Variants in HSPA9 observed in about 807,000 individuals in gnomAD.
The protein encoded by HSPA9 is stress-70 protein, mitochondrial.
Under a neutral mutation model 81.5 loss-of-function variants are expected in HSPA9, and 28 were observed. The observed-to-expected ratio is 0.34, with a 90% CI of 0.25 to 0.47. The LOEUF (loss-of-function observed/expected upper bound fraction) is 0.47. Ranked by LOEUF, HSPA9 falls within the 20% of genes least tolerant of loss-of-function variation. The pLI, the probability that HSPA9 is intolerant of heterozygous loss-of-function variation, is 1.00. For synonymous variants in HSPA9, 293 were observed against 290.4 expected (o/e 1.01, Z -0.09); for missense variants, 678 against 838.0 (o/e 0.81, Z 2.36).
At chr5:138,558,109 T>G (rs1207063606) in intron 12 of HSPA9, 123 bp from the exon 13 acceptor site, 7 of 750,518 alleles carry the variant, frequency 9.3e-6, no homozygotes, top group South Asian at 1.4e-5. Context: ...AGTGATTTAA[T>G]GTACAAAACA....
intron 9 of HSPA9, among the ~76,000 whole-genome samples, chr5:138,563,570 T>C (rs1750701449): frequency 6.6e-6 from 1 of 152,166 alleles, no homozygotes; most frequent in South Asian, 2.1e-4. Flanking sequence ...CCCTTCACAA[T>C]TCTCCACTCT....
In HSPA9 at chr5:138,558,962, A is replaced by T. The variant is rs143536468; in HGVS notation, c.1411-305T>A. The T allele has an allele frequency of 2.0e-3, 709 of 354,220 alleles. 4 individuals are homozygous for T. The highest frequency in any genetic ancestry group is 0.013 in the African/African-American group (622 of 47,834). 21.9% of individuals were successfully genotyped at this position (354,220 alleles called of 1,614,324 possible). Reference sequence around the variant, plus strand: ...CTGGGGAAACGGGATCAGAGAAAGAAGATGTATCATGCTCAGTCACAGAAA... The same window carrying T: ...CTGGGGAAACGGGATCAGAGAAAGATGATGTATCATGCTCAGTCACAGAAA... On this transcript the variant is annotated intron_variant, in intron 11 of 16. Coordinates refer to ENST00000297185, the MANE Select transcript of HSPA9 (RefSeq NM_004134.7).
intron 1 of HSPA9, among the ~76,000 whole-genome samples, chr5:138,574,533 T>C (rs925768246): frequency 6.6e-6 from 1 of 152,312 alleles, no homozygotes; most frequent in Non-Finnish European, 1.5e-5. Context: ...TTAAAAGAAC[T>C]AGAGTTACTA....
intron 3 of HSPA9, 52 bp downstream of exon 3, chr5:138,573,711 A>C: frequency 9.2e-7 from 1 of 1,090,484 alleles, no homozygotes; most frequent in South Asian, 1.2e-5. Context: ...GGAAAAGAGC[A>C]CAGAATTCTG....
chr5:138,567,596 C>T lies in HSPA9; in HGVS notation c.610-35G>A, dbSNP rs1165367780. The T allele has an allele frequency of 6.2e-6, 10 of 1,608,654 alleles. No individual in the cohort carries two copies. The Admixed American group carries it at 1.3e-4, about 21-fold the overall frequency. ...ACAAAGAGAAAAACATTTTTGTACC[C>T]TTCCATCCCAGGCACCTTACTTTTT... On this transcript the variant is annotated intron_variant, in intron 6 of 16. Transcript: ENST00000297185.
chr5:138,558,097 CA>C, intron 12 of HSPA9, 111 bp from the exon 13 acceptor site: 1 of 791,014 alleles, frequency 1.3e-6, no homozygotes, highest in South Asian at 1.4e-5. Context: ...CTGGGAGAAA[CA>C]AGTGATTTAA....
chr5:138,557,177 A>T lies in HSPA9; in HGVS notation c.1728+225T>A, dbSNP rs1750547504. On this transcript the variant is annotated intron_variant, in intron 14 of 16. Transcript: ENST00000297185. ...CTTACCCACAACCTATGACATGTCC[A>T]AACTCTCCCACTTTCTTGTTCAAGC... 1.3e-5 allele frequency: 8 copies of T among 615,210 alleles called. No homozygotes were observed. In the South Asian group the frequency reaches 1.6e-4, roughly 12 times the overall value. The allele number at this position is 615,210 out of a possible 1,614,324, so 38.1% of individuals were successfully genotyped here. A position where few individuals can be genotyped will look rare whatever the true frequency, so the allele number is the denominator to read the frequency against.
intron 7 of HSPA9, 88 bp downstream of exon 7, chr5:138,567,367 A>C (rs556084606): frequency 2.1e-4 from 237 of 1,120,608 alleles, no homozygotes; most frequent in Non-Finnish European, 2.8e-4. Context: ...AAAATCAGTA[A>C]AAGCACTGTA....
At chr5:138,557,254 C>A in intron 14 of HSPA9, 148 bp downstream of exon 14, 1 of 699,430 alleles carries the variant, frequency 1.4e-6, no homozygotes. Flanking sequence ...CGTGCACCAC[C>A]ACGCCCGGCT....
rs781187826 is a variant in HSPA9, at chr5:138,559,873, C to T, written c.1401G>A (p.Lys467=). 7.4e-5 allele frequency: 119 copies of T among 1,609,678 alleles called. 1 individual carries two copies. In the Middle Eastern group the frequency reaches 8.2e-4, roughly 11 times the overall value. Residue 467 remains lysine (K), a synonymous_variant, in exon 11 of 17, where the codon AAG becomes AAA. Transcript: ENST00000297185. The part of the protein sequence containing the change: ...LINRNTTIPT[K]KSQVFSTAAD... ...AAGTGATGGCTCTTACCTGGCTCTT[C>T]TTGGTTGGAATAGTGGTATTCCTAT...
At chr5:138,574,295 A>G (rs538691277) in intron 1 of HSPA9, 169 bp from the exon 2 acceptor site, 3 of 658,236 alleles carry the variant, frequency 4.6e-6, no homozygotes, top group Admixed American at 5.3e-5. Flanking sequence ...ATGGCCTTAG[A>G]ATCACATTAC....
At position 138,561,755 on chromosome 5, in the gene HSPA9, G is replaced by T; in HGVS notation, c.1007C>A (p.Ser336Tyr). The change falls in exon 10 of 17, where the codon TCT becomes TAT. Residue 336 changes from serine to tyrosine, a missense_variant. By Grantham distance (144) the Ser-to-Tyr change is moderately radical. This residue lies in a region of HSPA9 where 484 missense variants were observed against 647.5 expected (regional missense o/e 0.75). Transcript: ENST00000297185. ...CATATTCAAATGCTTGGGTCCAGAA[G>T]AATCCATTGTAAGATAGGGCAAATT... ...DINLPYLTMDSSGPKHLNMKL... is the reference protein window; with the variant it reads ...DINLPYLTMDYSGPKHLNMKL... 6.2e-7 allele frequency: 1 copy of T among 1,614,148 alleles called. No homozygotes were observed. The highest frequency in any genetic ancestry group is 2.2e-5 in the East Asian group (1 of 44,868).
At chr5:138,563,058 TAATAAATA>T (rs1180820807) in intron 9 of HSPA9, among the ~76,000 whole-genome samples, 1 of 152,236 alleles carries the variant, frequency 6.6e-6, no homozygotes, top group African/African-American at 2.4e-5. Flanking sequence ...TTTGAATACT[TAATAAATA>T]GAGTTAACAC....
chr5:138,556,543 C>G lies in HSPA9; in HGVS notation c.1871G>C (p.Arg624Thr). The change falls in exon 16 of 17, where the codon AGA becomes ACA. Residue 624 changes from arginine to threonine, a missense_variant. Physicochemically the swap from Arg to Thr is moderately conservative, Grantham distance 71 (BLOSUM62 -1). Around this residue, in one of 4 missense-constraint regions of HSPA9, gnomAD observed 100 missense variants for 99.5 expected, o/e 1.00. Transcript: ENST00000297185. ...ATTTTCTCCTGTTTCGCTGTCTTTT[C>G]TAGCCAGGAGCTCCCTCATTTTGGA... ...EISKMRELLA[R>T]KDSETGENIR... The G allele has an allele frequency of 1.2e-6, 2 of 1,614,086 alleles. No homozygotes were observed. The highest frequency in any genetic ancestry group is 1.7e-6 in the Non-Finnish European group (2 of 1,180,004).
intron 1 of HSPA9, 58 bp downstream of exon 1, chr5:138,575,180 A>AGCCCGAGGCCCAAG (rs1751063235): frequency 4.9e-6 from 6 of 1,234,758 alleles, no homozygotes; most frequent in Non-Finnish European, 5.8e-6. Flanking sequence ...GCCGCAGCGA[A>AGCCCGAGGCCCAAG]GCCCGAGGCC....
chr5:138,569,247 AAAAG>A (rs1750827661), intron 4 of HSPA9, among the ~76,000 whole-genome samples, 198 bp from the exon 5 acceptor site: 1 of 152,220 alleles, frequency 6.6e-6, no homozygotes, highest in Non-Finnish European at 1.5e-5. Context: ...TAAATAAATA[AAAAG>A]AAAGCAATCA....
intron 9 of HSPA9, among the ~76,000 whole-genome samples, chr5:138,564,530 T>C (rs1750722136): frequency 6.6e-6 from 1 of 152,214 alleles, no homozygotes; most frequent in South Asian, 2.1e-4. Context: ...CCTGAGTAGC[T>C]GGGACTACAG....
intron 14 of HSPA9, chr5:138,557,124 AG>A (rs1750545820): frequency 1.7e-6 from 1 of 600,752 alleles, no homozygotes; most frequent in East Asian, 2.8e-5. Flanking sequence ...ACAACGGGGA[AG>A]GAAGAATAGA....
chr5:138,567,776 A>G, intron 5 of HSPA9, 54 bp from the exon 6 acceptor site: 1 of 1,286,194 alleles, frequency 7.8e-7, no homozygotes, highest in Non-Finnish European at 1.1e-6. Context: ...AATTATTAAT[A>G]TAGCCCAACA....
Sources: allele counts gnomAD v4.1 joint callset (sites outside exome capture counted in the v4.1 genomes callset), GRCh38; gene constraint gnomAD v4.1.1; regional missense constraint gnomAD v4.1.1; transcripts MANE v1.5; gene names NCBI Gene and HGNC (gene_info 2026-07-23, HGNC 2026-07-21).